ABTB2: variants seen among roughly 807,000 people sequenced by gnomAD.
The protein encoded by ABTB2 is ankyrin repeat and BTB domain containing 2.
ABTB2 carries 56 observed loss-of-function variants against 104.1 expected under a neutral mutation model. That is an observed-to-expected ratio of 0.54 (90% CI 0.43 to 0.67). ABTB2 has a LOEUF of 0.67. Ranked by LOEUF, ABTB2 falls within the 30% of genes least tolerant of loss-of-function variation. The pLI, the probability that ABTB2 is intolerant of heterozygous loss-of-function variation, is 0.00. For missense variants in ABTB2, 1,279 were observed against 1,407.7 expected, an observed-to-expected ratio of 0.91 and a Z score of 1.46; for synonymous variants, 606 against 608.2, an observed-to-expected ratio of 1.00 and a Z score of 0.05.
intron 1 of ABTB2, among the ~76,000 whole-genome samples, chr11:34,213,555 G>T (rs901724176): frequency 6.6e-6 from 1 of 152,208 alleles, no homozygotes. Flanking sequence ...TGCTGGCTCA[G>T]TGGCACTTTG....
chr11:34,159,294 A>T lies in ABTB2; in HGVS notation c.2697+2T>A. 6.2e-7 allele frequency: 1 copy of T among 1,612,498 alleles called. No homozygotes were observed. The highest frequency in any genetic ancestry group is 8.5e-7 in the Non-Finnish European group (1 of 1,178,846). On this transcript the variant is annotated splice_donor_variant, in intron 14 of 16. Transcript: ENST00000435224. LOFTEE classifies it high-confidence loss of function. ...AAGAGGGCGGCACCAAGACCCACAC[A>T]CCTGAAAAATGTGGTACTTCATGTC...
intron 3 of ABTB2, among the ~76,000 whole-genome samples, chr11:34,173,805 C>T (rs1021841611): frequency 6.6e-6 from 1 of 152,192 alleles, no homozygotes; most frequent in Non-Finnish European, 1.5e-5. Flanking sequence ...GGGCTGCCAC[C>T]AGCAGGGTCA....
chr11:34,160,262 A>G lies in ABTB2; in HGVS notation c.2489T>C (p.Leu830Pro). The stretch of plus-strand genomic sequence containing the variant: ...CGCGCCTTCACCTAGCCTGGCCGGC[A>G]GGGTCTTCCGGATCTCTGGGATGCT... ...IPSIPEIRKTLPARLDPHFLN... is the reference protein window; with the variant it reads ...IPSIPEIRKTPPARLDPHFLN... Residue 830 changes from leucine to proline, a missense_variant, in exon 12 of 17, where the codon CTG becomes CCG. By Grantham distance (98) the Leu-to-Pro change is moderately conservative. Coordinates refer to ENST00000435224, the MANE Select transcript of ABTB2 (RefSeq NM_145804.3). 1 of 1,613,992 alleles carries G rather than the reference A, an allele frequency of 6.2e-7. No individual in the cohort carries two copies. The highest frequency in any genetic ancestry group is 1.1e-5 in the South Asian group (1 of 91,076).
rs1248196815 is a variant in ABTB2, at chr11:34,152,517, A to G, written c.2948T>C (p.Leu983Pro). The G allele has an allele frequency of 6.2e-7, 1 of 1,611,570 alleles. No individual in the cohort carries two copies. The highest frequency in any genetic ancestry group is 1.3e-5 in the African/African-American group (1 of 74,888). The part of the protein sequence containing the change: ...GFFLKHMKAL[L>P]EQDAFRQLIY... Reference sequence around the variant, plus strand: ...GAGCTGCCGGAAGGCATCCTGCTCCAGTAGGGCCTTCATGTGCTTGAGGAA... The same window carrying G: ...GAGCTGCCGGAAGGCATCCTGCTCCGGTAGGGCCTTCATGTGCTTGAGGAA... Residue 983 changes from leucine to proline, a missense_variant, in exon 17 of 17, where the codon CTG becomes CCG. Coordinates refer to ENST00000435224, the MANE Select transcript of ABTB2 (RefSeq NM_145804.3).
intron 1 of ABTB2, among the ~76,000 whole-genome samples, chr11:34,239,044 C>G (rs1212512211): frequency 6.6e-6 from 1 of 152,206 alleles, no homozygotes; most frequent in African/African-American, 2.4e-5. Context: ...TGAGCCACCA[C>G]GCCCAGCCCA....
chr11:34,258,580 A>AGTG (rs1483846362), intron 1 of ABTB2, among the ~76,000 whole-genome samples: 1 of 149,446 alleles, frequency 6.7e-6, no homozygotes, highest in East Asian at 2.0e-4. Context: ...AACTGTGCCT[A>AGTG]GTGAGCACTA....
intron 2 of ABTB2, among the ~76,000 whole-genome samples, chr11:34,202,425 T>C (rs991028648): frequency 6.6e-6 from 1 of 151,942 alleles, no homozygotes; most frequent in African/African-American, 2.4e-5. Context: ...TCAGATCATA[T>C]ATGGATCCTG....
intron 2 of ABTB2, among the ~76,000 whole-genome samples, chr11:34,200,749 A>C (rs1196336115): frequency 6.6e-6 from 1 of 152,122 alleles, no homozygotes; most frequent in Non-Finnish European, 1.5e-5. Context: ...GAGTTAAATG[A>C]CCCGTCCCAG....
chr11:34,163,501 G>C (rs1467212200), intron 9 of ABTB2, among the ~76,000 whole-genome samples: 2 of 152,192 alleles, frequency 1.3e-5, no homozygotes, highest in East Asian at 3.8e-4. Flanking sequence ...TCCAGGTGGG[G>C]GTACAGACCC....
At position 34,152,048 on chromosome 11, in the gene ABTB2, T is replaced by C; in HGVS notation, c.*339A>G. ...CTGAGGCCCTAGGGGTGAGTAGAGC[T>C]TGGAGGGCCTGGGCGGAGGTGGATC... On this transcript the variant is annotated 3_prime_UTR_variant, in exon 17 of 17. Transcript: ENST00000435224. 1 of 343,810 alleles carries C rather than the reference T, an allele frequency of 2.9e-6. No individual in the cohort carries two copies. Among genetic ancestry groups the C allele is most frequent in the South Asian group, 3.0e-5 (1 of 33,570 alleles). The allele number at this position is 343,810 out of a possible 1,614,324, so 21.3% of individuals were successfully genotyped here.
chr11:34,297,794 AGG>A lies in ABTB2; in HGVS notation c.883+58905_883+58906del, dbSNP rs796871676. ...AAAAAAAAAAAAAAAATAAAAATAA[AGG>A]AAAGAAAAAGAAAAAAACAAAATTC... On this transcript the variant is annotated intron_variant, in intron 1 of 16. Transcript: ENST00000435224. Among the ~76,000 whole-genome samples, 671 of 113,810 alleles carry A rather than the reference AGG, an allele frequency of 5.9e-3. 39 individuals carry two copies. Among genetic ancestry groups the A allele is most frequent in the Middle Eastern group, 0.031 (6 of 196 alleles). 74.7% of individuals were successfully genotyped at this position (113,810 alleles called of 152,430 possible). A position where few individuals can be genotyped will look rare whatever the true frequency, so the allele number is the denominator to read the frequency against.
At position 34,268,725 on chromosome 11, in the gene ABTB2, C is replaced by T. The variant is rs575601723; in HGVS notation, c.884-64035G>A. ...AAGAAGTCTGAAATCAAGGTGTCGG[C>T]AGGGCCCTGTTTCCTCTGGGACCCT... is the stretch of plus-strand genomic sequence containing the variant. On this transcript the variant is annotated intron_variant, in intron 1 of 16. Coordinates refer to ENST00000435224, the MANE Select transcript of ABTB2 (RefSeq NM_145804.3). Among the ~76,000 whole-genome samples, 13 of 152,302 alleles carry T rather than the reference C, an allele frequency of 8.5e-5. No individual in the cohort carries two copies. In the East Asian group the frequency reaches 2.5e-3, roughly 29 times the overall value.
rs2467386 is a variant in ABTB2, at chr11:34,172,173, G to A, written c.1397+982C>T. Among the ~76,000 whole-genome samples, 683 of 151,910 alleles carry A rather than the reference G, an allele frequency of 4.5e-3. 6 individuals are homozygous for A. The highest frequency in any genetic ancestry group is 0.016 in the African/African-American group (644 of 41,412). On this transcript the variant is annotated intron_variant, in intron 4 of 16. Transcript: ENST00000435224. ...GGATCACCTGGGGTCAGGAATTTGA[G>A]ACCAGCCTGACCAACATGATGAAAC...
In ABTB2 at chr11:34,252,635, G is replaced by A. The variant is rs1001161948; in HGVS notation, c.884-47945C>T. Among the ~76,000 whole-genome samples the A allele has an allele frequency of 4.6e-5, 7 of 152,136 alleles. No individual in the cohort carries two copies. Among genetic ancestry groups the A allele is most frequent in the Non-Finnish European group, 8.8e-5 (6 of 68,006 alleles). The stretch of plus-strand genomic sequence containing the variant: ...GAGGGGGATTGGGAGACAGCCTCCT[G>A]GTCCTGGTCCAGCACCTTCCTGAGG... On this transcript the variant is annotated intron_variant, in intron 1 of 16. Transcript: ENST00000435224. This position sits in a 1 kb window ranked among gnomAD's most constrained non-coding sequence, Gnocchi z 5.5.
chr11:34,311,472 AG>A (rs1854852830), intron 1 of ABTB2, among the ~76,000 whole-genome samples: 1 of 152,204 alleles, frequency 6.6e-6, no homozygotes, highest in Non-Finnish European at 1.5e-5. Context: ...TGCAGTGCAA[AG>A]GGTGCTTCAA....
intron 1 of ABTB2, among the ~76,000 whole-genome samples, chr11:34,214,139 AACACACACACACACACACACACAC>A (rs10529537): frequency 7.2e-6 from 1 of 139,272 alleles, no homozygotes; most frequent in African/African-American, 2.8e-5. Context: ...GCACATTCAA[AACACACACACACACACACACACAC>A]ACACACACAC....
rs868130052 is a variant in ABTB2, at chr11:34,246,858, T to C, written c.884-42168A>G. On this transcript the variant is annotated intron_variant, in intron 1 of 16. Transcript: ENST00000435224. ...TTTTTTTCTTTTTTCTTTTTTTTTT[T>C]TTTTTTGAGACAGAGTTTAACTCTT... Among the ~76,000 whole-genome samples, 670 of 149,092 alleles carry C rather than the reference T, an allele frequency of 4.5e-3. 2 individuals carry two copies. Among genetic ancestry groups the C allele is most frequent in the Middle Eastern group, 0.02 (6 of 294 alleles).
At chr11:34,215,157 A>ACC (rs1789962002) in intron 1 of ABTB2, among the ~76,000 whole-genome samples, 6 of 152,152 alleles carry the variant, frequency 3.9e-5, no homozygotes, top group Admixed American at 3.9e-4. Flanking sequence ...TGGCCGAATC[A>ACC]CCACTGGTGG....
At chr11:34,317,513 C>T (rs759659318) in intron 1 of ABTB2, among the ~76,000 whole-genome samples, 2 of 152,100 alleles carry the variant, frequency 1.3e-5, no homozygotes, top group Non-Finnish European at 2.9e-5. Context: ...TGTCTTACAC[C>T]TATAATCCCA....
Sources: allele counts gnomAD v4.1 joint callset (sites outside exome capture counted in the v4.1 genomes callset), GRCh38; gene constraint gnomAD v4.1.1; non-coding constraint Gnocchi (gnomAD v3.1); transcripts MANE v1.5; gene names NCBI Gene and HGNC (gene_info 2026-07-23, HGNC 2026-07-21).